ARHGAP32: variants seen among roughly 807,000 people sequenced by gnomAD.
ARHGAP32 encodes Rho GTPase activating protein 32.
A neutral mutation model predicts 186.5 loss-of-function variants in ARHGAP32; 51 were observed. That is an observed-to-expected ratio of 0.27 (90% confidence interval 0.22 to 0.35). The LOEUF is 0.35. Ranked by LOEUF, ARHGAP32 falls within the 10% of genes least tolerant of loss-of-function variation. The probability of loss-of-function intolerance (pLI) is 1.00; values close to 1 mark genes in which losing one functional copy is unlikely to be tolerated. For missense variants in ARHGAP32, 2,186 were observed against 2,623.5 expected (o/e 0.83, Z 3.64); for synonymous variants, 950 against 964.3 (o/e 0.99, Z 0.27).
intron 8 of ARHGAP32, 90 bp downstream of exon 8, chr11:129,064,751 C>T: frequency 1.0e-6 from 1 of 962,144 alleles, no homozygotes; most frequent in Non-Finnish European, 1.6e-6. Flanking sequence ...ATTCCTGAAG[C>T]TCAATAGACA....
chr11:129,133,595 A>T lies in ARHGAP32; in HGVS notation c.226-8701T>A, dbSNP rs1009888613. 2.6e-5 allele frequency among the ~76,000 whole-genome samples: 4 copies of T among 152,346 alleles called. No individual in the cohort carries two copies. The South Asian group carries it at 8.3e-4, about 32-fold the overall frequency. ...CTGTGGATTTCTCATCAGAAACCAGAAGACAGTGGAGCAACGTCTATACAA... is the reference window on the plus strand; with the variant it reads ...CTGTGGATTTCTCATCAGAAACCAGTAGACAGTGGAGCAACGTCTATACAA... On this transcript the variant is annotated intron_variant, in intron 2 of 22. Transcript: ENST00000682385.
intron 1 of ARHGAP32, among the ~76,000 whole-genome samples, chr11:129,180,076 A>G (rs1197810784): frequency 2.0e-5 from 3 of 152,194 alleles, no homozygotes; most frequent in Admixed American, 6.5e-5. Flanking sequence ...CATGGTCAAT[A>G]TATTAAAAAA....
At position 128,974,554 on chromosome 11, in the gene ARHGAP32, G is replaced by C. The variant is rs1945489395; in HGVS notation, c.2643C>G (p.Thr881=). 18 of 1,614,100 alleles carry C rather than the reference G, an allele frequency of 1.1e-5. No individual in the cohort carries two copies. The highest frequency in any genetic ancestry group is 1.5e-5 in the Non-Finnish European group (18 of 1,180,006). The part of the protein sequence containing the change: ...PLQEKLSPFF[T]LDLSPTEDKS... ...TATCTTCAGTTGGGCTCAAGTCCAG[G>C]GTAAAGAATGGACTCAGTTTCTCCT... The change falls in exon 21 of 23, where the codon ACC becomes ACG. Residue 881 remains threonine, a synonymous_variant. Coordinates refer to ENST00000682385, the MANE Select transcript of ARHGAP32 (RefSeq NM_001378024.1).
intron 11 of ARHGAP32, among the ~76,000 whole-genome samples, chr11:129,006,093 A>G (rs1046750091): frequency 1.2e-4 from 18 of 151,992 alleles, no homozygotes; most frequent in Non-Finnish European, 8.8e-5. Flanking sequence ...AATTATTTCA[A>G]TCTCTTAAAC....
chr11:129,007,148 C>T (rs1054603592), intron 11 of ARHGAP32, among the ~76,000 whole-genome samples: 1 of 151,964 alleles, frequency 6.6e-6, no homozygotes, highest in Non-Finnish European at 1.5e-5. Flanking sequence ...TGGCCCAGGG[C>T]GGGTCTAGAA....
chr11:129,098,172 A>C (rs943167732), intron 5 of ARHGAP32, among the ~76,000 whole-genome samples: 4 of 152,202 alleles, frequency 2.6e-5, no homozygotes, highest in Non-Finnish European at 5.9e-5. Flanking sequence ...AGACCTGCCA[A>C]ACAGAAATTC....
At chr11:129,206,275 G>C (rs752807833) in intron 1 of ARHGAP32, among the ~76,000 whole-genome samples, 6 of 152,056 alleles carry the variant, frequency 3.9e-5, no homozygotes, top group Non-Finnish European at 7.3e-5. Flanking sequence ...GCAGCAACAC[G>C]GTCATAACTC....
chr11:129,151,995 G>C (rs1294952251), intron 2 of ARHGAP32, among the ~76,000 whole-genome samples: 2 of 152,016 alleles, frequency 1.3e-5, no homozygotes, highest in Non-Finnish European at 2.9e-5. Context: ...ACCGAGAAAA[G>C]AGGAGGCAAG....
At chr11:129,028,813 C>T (rs1315454050) in intron 11 of ARHGAP32, among the ~76,000 whole-genome samples, 1 of 152,108 alleles carries the variant, frequency 6.6e-6, no homozygotes, top group East Asian at 1.9e-4. Flanking sequence ...TGGCCTGAGT[C>T]TTGAAATATA....
upstream of ARHGAP32, among the ~76,000 whole-genome samples, chr11:129,193,495 A>ATAT (rs1194993619): frequency 4.2e-4 from 40 of 96,264 alleles, 1 homozygote; most frequent in African/African-American, 1.5e-3. Context: ...AAAAAAAAAA[A>ATAT]AAAAATATAT....
chr11:128,976,513 C>T (rs750729035), intron 20 of ARHGAP32, 50 bp downstream of exon 20: 6 of 1,425,232 alleles, frequency 4.2e-6, no homozygotes, highest in Non-Finnish European at 4.9e-6. Flanking sequence ...TTGCAGTATT[C>T]CTTTATGCAA....
intron 2 of ARHGAP32, among the ~76,000 whole-genome samples, chr11:129,153,284 A>C (rs1389192451): frequency 1.3e-5 from 2 of 152,202 alleles, no homozygotes; most frequent in Non-Finnish European, 2.9e-5. Flanking sequence ...GGGTAGAATC[A>C]ATATTGTGAA....
chr11:129,149,550 T>C (rs917170624), intron 2 of ARHGAP32, among the ~76,000 whole-genome samples: 1 of 152,032 alleles, frequency 6.6e-6, no homozygotes, highest in Non-Finnish European at 1.5e-5. Flanking sequence ...TTCACTGCAG[T>C]CCAGCTCTTA....
chr11:129,126,399 C>T (rs1278024398), intron 2 of ARHGAP32, among the ~76,000 whole-genome samples: 2 of 152,214 alleles, frequency 1.3e-5, no homozygotes, highest in Non-Finnish European at 2.9e-5. Flanking sequence ...AATAAGTTAT[C>T]ATTCAGTTTT....
chr11:129,216,390 G>A (rs1289071509), intron 1 of ARHGAP32, among the ~76,000 whole-genome samples: 3 of 151,888 alleles, frequency 2.0e-5, no homozygotes, highest in Non-Finnish European at 4.4e-5. Flanking sequence ...TTATTAATAT[G>A]TATATTTAAG....
At position 128,977,592 on chromosome 11, in the gene ARHGAP32, C is replaced by T. The variant is rs538943410; in HGVS notation, c.2123-958G>A. ...GTGAATCCCTACTTCTCCTTGAAAA[C>T]CCATATCAAAGGTTGTTATTTCCTA... On this transcript the variant is annotated intron_variant, in intron 19 of 22. Transcript: ENST00000682385. Among the ~76,000 whole-genome samples, 21 of 152,250 alleles carry T rather than the reference C, an allele frequency of 1.4e-4. No homozygotes were observed. In the South Asian group the frequency reaches 3.9e-3, roughly 29 times the overall value.
chr11:129,244,302 T>C (rs1334458267), intron 1 of ARHGAP32, among the ~76,000 whole-genome samples: 3 of 152,218 alleles, frequency 2.0e-5, no homozygotes, highest in Non-Finnish European at 2.9e-5. Context: ...TATTCCTCAA[T>C]TGTATAAATA....
At chr11:129,002,100 A>G (rs1369179531) in intron 11 of ARHGAP32, among the ~76,000 whole-genome samples, 3 of 152,072 alleles carry the variant, frequency 2.0e-5, no homozygotes, top group Non-Finnish European at 4.4e-5. Flanking sequence ...TTCCATATAA[A>G]TTTTAGTATA....
chr11:129,119,701 C>A (rs1014696443), intron 5 of ARHGAP32, among the ~76,000 whole-genome samples: 1 of 151,882 alleles, frequency 6.6e-6, no homozygotes, highest in Non-Finnish European at 1.5e-5. Flanking sequence ...ACTATAGTTG[C>A]AATCTTATGT....
Sources: gnomAD v4.1 joint callset for allele counts (sites outside exome capture counted in the v4.1 genomes callset) on GRCh38, gnomAD v4.1.1 for gene constraint, MANE v1.5 for transcripts, NCBI Gene and HGNC (gene_info 2026-07-23, HGNC 2026-07-21) for gene names.